The following RBM6 variants were observed in gnomAD, a reference collection of about 807,000 sequenced individuals.
RBM6 encodes the protein RNA binding motif protein 6, also known as RNA-binding protein 6.
Under a neutral mutation model 140.4 loss-of-function variants are expected in RBM6, and 23 were observed. That is an observed-to-expected ratio of 0.16 (90% CI 0.12 to 0.23). RBM6 has a LOEUF of 0.23. Ranked by LOEUF, RBM6 falls within the 10% of genes least tolerant of loss-of-function variation. The pLI, the probability that RBM6 is intolerant of heterozygous loss-of-function variation, is 1.00. For missense variants in RBM6, 1,139 were observed against 1,386.7 expected (o/e 0.82, Z 2.84); for synonymous variants, 439 against 475.6 (o/e 0.92, Z 1.00).
intron 5 of RBM6, among the ~76,000 whole-genome samples, chr3:49,986,028 C>T (rs1159679055): frequency 6.6e-6 from 1 of 151,962 alleles, no homozygotes; most frequent in African/African-American, 2.4e-5. Flanking sequence ...CTTTGTCACC[C>T]AGGCTGGAGT....
chr3:49,954,252 A>T (rs1197432480), intron 1 of RBM6, among the ~76,000 whole-genome samples: 1 of 152,018 alleles, frequency 6.6e-6, no homozygotes, highest in Non-Finnish European at 1.5e-5. Flanking sequence ...ACCCTGGCCA[A>T]CATGGTGAAA....
At chr3:50,054,263 T>C (rs878906716) in intron 7 of RBM6, 72 bp from the exon 8 acceptor site, 4 of 1,232,474 alleles carry the variant, frequency 3.2e-6, no homozygotes, top group Non-Finnish European at 4.7e-6. Flanking sequence ...TTTTGGGGGG[T>C]TTCACTTTGT....
rs368043468 is a variant in RBM6 at position 49,967,673 on chromosome 3, G to C, written c.248G>C (p.Gly83Ala). 1.2e-6 allele frequency: 2 copies of C among 1,614,158 alleles called. No homozygotes were observed. The highest frequency in any genetic ancestry group is 1.7e-6 in the Non-Finnish European group (2 of 1,180,036). Reference protein sequence around the residue: ...FSYGARDGPHGDYRGGEGPGH... With the variant: ...FSYGARDGPHADYRGGEGPGH... The stretch of plus-strand genomic sequence containing the variant: ...TATGGAGCTAGAGACGGACCGCATG[G>C]TGACTATCGAGGAGGGGAGGGACCT... Residue 83 changes from glycine (G) to alanine (A), a missense_variant, in exon 3 of 21, where the codon GGT (glycine) becomes GCT (alanine). Physicochemically the swap from Gly to Ala is moderately conservative, Grantham distance 60. Around this residue, in one of 9 missense-constraint regions of RBM6, gnomAD observed 566 missense variants for 612.7 expected, o/e 0.92. Transcript: ENST00000266022. The surrounding 1 kb of genome is among the most constrained non-coding windows in gnomAD (Gnocchi z 4.0).
chr3:49,946,890 G>A (rs934806723), intron 1 of RBM6, among the ~76,000 whole-genome samples: 1 of 150,926 alleles, frequency 6.6e-6, no homozygotes, highest in Non-Finnish European at 1.5e-5. Context: ...TGGATGTGAA[G>A]TGGTATCTTA....
chr3:50,032,211 G>A (rs1219001212), intron 6 of RBM6, among the ~76,000 whole-genome samples: 5 of 151,960 alleles, frequency 3.3e-5, no homozygotes, highest in Non-Finnish European at 4.4e-5. Flanking sequence ...GGCCGGGCAC[G>A]GTGGCTCACA....
chr3:49,950,650 G>A (rs994620281), intron 1 of RBM6, among the ~76,000 whole-genome samples: 3 of 151,976 alleles, frequency 2.0e-5, no homozygotes, highest in Admixed American at 6.6e-5. Flanking sequence ...AGCTACTCGG[G>A]AGACTGAGGC....
intron 6 of RBM6, among the ~76,000 whole-genome samples, chr3:50,029,990 G>C (rs1011223673): frequency 1.9e-4 from 28 of 146,740 alleles, no homozygotes; most frequent in African/African-American, 7.1e-4. Flanking sequence ...TGATGCACCA[G>C]GGCACTCCAG....
In RBM6 at chr3:50,066,174, A is replaced by G. The variant is rs1333216515; in HGVS notation, c.2683-68A>G. The G allele has an allele frequency of 3.4e-6, 5 of 1,487,824 alleles. No homozygotes were observed. In the African/African-American group the frequency reaches 7.0e-5, roughly 21 times the overall value. The allele number at this position is 1,487,824 out of a possible 1,614,324, so 92.2% of individuals were successfully genotyped here. A position where few individuals can be genotyped will look rare whatever the true frequency, so the allele number is the denominator to read the frequency against. ...AATGAAATGAGATGCCCATATCAGA[A>G]TATCAAAAAAAATGGACCCCAAAAT... On this transcript the variant is annotated intron_variant, in intron 16 of 20. Transcript: ENST00000266022.
At chr3:50,063,578 C>G (rs939285700) in intron 15 of RBM6, among the ~76,000 whole-genome samples, 3 of 142,726 alleles carry the variant, frequency 2.1e-5, no homozygotes, top group African/African-American at 7.9e-5. Context: ...GCATGGACAA[C>G]AGAGCCAGAC....
intron 1 of RBM6, among the ~76,000 whole-genome samples, chr3:49,942,678 A>C (rs1300042133): frequency 2.0e-5 from 3 of 152,070 alleles, no homozygotes; most frequent in African/African-American, 7.2e-5. Flanking sequence ...AGATCACTTG[A>C]GTTCAGGAGT....
chr3:49,958,782 CTTTTTT>C (rs35853185), intron 1 of RBM6, among the ~76,000 whole-genome samples: 1,182 of 114,374 alleles, frequency 0.01, 18 homozygotes, highest in African/African-American at 0.038. Context: ...TGAAGAATTC[CTTTTTT>C]TTTTTTTTTT....
At chr3:49,959,223 C>T (rs1247698624) in intron 1 of RBM6, among the ~76,000 whole-genome samples, 1 of 138,050 alleles carries the variant, frequency 7.2e-6, no homozygotes, top group Non-Finnish European at 1.5e-5. Context: ...GAGTCTCGCT[C>T]TGTCGCCCAG....
chr3:49,977,923 C>G (rs551157467), intron 5 of RBM6, among the ~76,000 whole-genome samples: 2 of 152,032 alleles, frequency 1.3e-5, no homozygotes, highest in South Asian at 2.1e-4. Context: ...TTGAGATCAG[C>G]CTGAGCAACA....
chr3:50,023,783 G>A (rs1316570659), intron 6 of RBM6, among the ~76,000 whole-genome samples: 1 of 151,180 alleles, frequency 6.6e-6, no homozygotes, highest in Non-Finnish European at 1.5e-5. Flanking sequence ...CGAGTAGCTG[G>A]GATTACAGGC....
At chr3:50,004,057 T>G (rs2086462245) in intron 6 of RBM6, among the ~76,000 whole-genome samples, 1 of 152,156 alleles carries the variant, frequency 6.6e-6, no homozygotes, top group Non-Finnish European at 1.5e-5. Flanking sequence ...ATCCCTTTCA[T>G]TGGTTGCCCA....
chr3:49,956,087 G>C (rs1406986333), intron 1 of RBM6, among the ~76,000 whole-genome samples: 1 of 150,534 alleles, frequency 6.6e-6, no homozygotes, highest in Non-Finnish European at 1.5e-5. Context: ...AAATAGTGCA[G>C]TGCCACAATC....
chr3:49,974,356 G>A (rs1325542928), intron 4 of RBM6, among the ~76,000 whole-genome samples: 1 of 151,762 alleles, frequency 6.6e-6, no homozygotes, highest in Non-Finnish European at 1.5e-5. Flanking sequence ...ATAGGTGTGA[G>A]CCAGTACTCC....
chr3:49,979,960 C>G (rs117383145), intron 5 of RBM6, among the ~76,000 whole-genome samples: 1 of 151,536 alleles, frequency 6.6e-6, no homozygotes, highest in African/African-American at 2.4e-5. Flanking sequence ...TTAAATTCCC[C>G]GAGTTGATAA....
At chr3:49,985,988 T>A (rs2085537715) in intron 5 of RBM6, among the ~76,000 whole-genome samples, 1 of 151,572 alleles carries the variant, frequency 6.6e-6, no homozygotes, top group African/African-American at 2.4e-5. Context: ...TTTTTAAAAA[T>A]TATTATTATT....
Sources: gnomAD v4.1 joint callset for allele counts (sites outside exome capture counted in the v4.1 genomes callset) on GRCh38, gnomAD v4.1.1 for gene constraint, gnomAD v4.1.1 regional missense constraint, Gnocchi (gnomAD v3.1) non-coding constraint, MANE v1.5 for transcripts, NCBI Gene and HGNC (gene_info 2026-07-23, HGNC 2026-07-21) for gene names.